LOXL2: variants seen among roughly 807,000 people sequenced by gnomAD.
LOXL2 encodes lysyl oxidase homolog 2.
Under a neutral mutation model 93.0 loss-of-function variants are expected in LOXL2, and 70 were observed. That is an observed-to-expected ratio of 0.75 (90% CI 0.62 to 0.92). The LOEUF (loss-of-function observed/expected upper bound fraction) is 0.92. LOXL2 is among the 40% of genes least tolerant of loss of function. The probability of loss-of-function intolerance (pLI) is 0.00; values close to 1 mark genes in which losing one functional copy is unlikely to be tolerated. For missense variants in LOXL2, 973 were observed against 1,054.9 expected (o/e 0.92, Z 1.08); for synonymous variants, 438 against 413.2 (o/e 1.06, Z -0.73).
intron 2 of LOXL2, chr8:23,364,319 C>T (rs530977601): frequency 4.6e-5 from 7 of 152,314 alleles, no homozygotes; most frequent in East Asian, 1.9e-4. Context: ...CCAGGAAAGC[C>T]GTGTCCTTGG....
chr8:23,356,993 T>C (rs1352917234), intron 3 of LOXL2, among the ~76,000 whole-genome samples: 1 of 152,080 alleles, frequency 6.6e-6, no homozygotes, highest in African/African-American at 2.4e-5. Context: ...AGAATAAAGG[T>C]GGGGCTAAGC....
In LOXL2 at chr8:23,309,755, C is replaced by A; in HGVS notation, c.1793G>T (p.Arg598Leu). ...ATTGTTGTGGATCTGGGAGGAGAAG[C>A]GCAGGAGCCGGCGGTAGCCCGTGGT... ...DPTTGYRRLL[R>L]FSSQIHNNGQ... The change falls in exon 10 of 14, where the codon CGC (arginine) becomes CTC (leucine). Residue 598 changes from arginine to leucine, a missense_variant. Transcript: ENST00000389131. 2 of 1,601,346 alleles carry A rather than the reference C, an allele frequency of 1.2e-6. No individual in the cohort carries two copies. Among genetic ancestry groups the A allele is most frequent in the Non-Finnish European group, 1.7e-6 (2 of 1,174,262 alleles).
intron 3 of LOXL2, among the ~76,000 whole-genome samples, chr8:23,356,773 G>A (rs1057308155): frequency 6.6e-6 from 1 of 152,222 alleles, no homozygotes; most frequent in African/African-American, 2.4e-5. Context: ...GGCTGTGGAT[G>A]TCACCTGGCC....
intron 1 of LOXL2, among the ~76,000 whole-genome samples, chr8:23,392,162 G>A (rs1804854705): frequency 6.6e-6 from 1 of 152,206 alleles, no homozygotes; most frequent in South Asian, 2.1e-4. Context: ...CCCAGTGATG[G>A]CAGGGGCAGC....
intron 7 of LOXL2, 54 bp downstream of exon 7, chr8:23,322,076 C>A: frequency 6.3e-7 from 1 of 1,592,074 alleles, no homozygotes; most frequent in South Asian, 1.1e-5. Context: ...AGCTCTGTGG[C>A]TATACTTTCT....
intron 4 of LOXL2, among the ~76,000 whole-genome samples, chr8:23,340,099 C>T (rs1376792870): frequency 1.3e-5 from 2 of 152,200 alleles, no homozygotes; most frequent in Non-Finnish European, 2.9e-5. Context: ...TATAGCTGGA[C>T]ACAGGGGACC....
At chr8:23,402,843 T>C (rs1800169895) in intron 1 of LOXL2, 1 of 152,112 alleles carries the variant, frequency 6.6e-6, no homozygotes, top group Admixed American at 6.5e-5. Context: ...ACGAAACTAA[T>C]TTGGAGCATG....
chr8:23,340,871 G>T, intron 4 of LOXL2, 121 bp downstream of exon 4: 1 of 909,226 alleles, frequency 1.1e-6, no homozygotes. Context: ...GCTGCCTGCA[G>T]GGACACCAGC....
At chr8:23,397,981 A>G (rs1183870123) in intron 1 of LOXL2, among the ~76,000 whole-genome samples, 3 of 151,634 alleles carry the variant, frequency 2.0e-5, no homozygotes, top group Non-Finnish European at 4.4e-5. Context: ...AAAAAAAAAA[A>G]AAAAGAAATG....
chr8:23,402,158 A>ATGCACACACATTGCG (rs1800159662), intron 1 of LOXL2, among the ~76,000 whole-genome samples: 1 of 152,084 alleles, frequency 6.6e-6, no homozygotes, highest in African/African-American at 2.4e-5. Flanking sequence ...AGGAATACAT[A>ATGCACACACATTGCG]TGCACACACA....
Position 23,297,024 on chromosome 8 carries a change from G to C in LOXL2, c.*1019C>G, listed in dbSNP as rs1419138065. Among the ~76,000 whole-genome samples the C allele has an allele frequency of 6.6e-6, 1 of 152,102 alleles. No individual in the cohort carries two copies. The highest frequency in any genetic ancestry group is 1.5e-5 in the Non-Finnish European group (1 of 68,026). ...CCCCTTTTGGAGTCTATTGAAGGAG[G>C]TGCCCTGGTGGCCACACTGGGCTGG... On this transcript the variant is annotated 3_prime_UTR_variant, in exon 14 of 14. Transcript: ENST00000389131.
intron 10 of LOXL2, among the ~76,000 whole-genome samples, chr8:23,306,329 T>C (rs1803228700): frequency 6.6e-6 from 1 of 152,202 alleles, no homozygotes; most frequent in Admixed American, 6.5e-5. Flanking sequence ...CCCAGCCACG[T>C]GTCCGCGGGG....
At chr8:23,398,245 G>A (rs1800118831) in intron 1 of LOXL2, among the ~76,000 whole-genome samples, 1 of 152,154 alleles carries the variant, frequency 6.6e-6, no homozygotes, top group Non-Finnish European at 1.5e-5. Context: ...GTAAGTGTAT[G>A]TTTTATAGGC....
chr8:23,388,891 C>G (rs1447515531), intron 1 of LOXL2, among the ~76,000 whole-genome samples: 1 of 151,894 alleles, frequency 6.6e-6, no homozygotes, highest in African/African-American at 2.4e-5. Context: ...GGGAAGAGGG[C>G]TGGGTTGGAG....
chr8:23,387,780 T>A lies in LOXL2; in HGVS notation c.-84+16174A>T, dbSNP rs1482939518. The stretch of plus-strand genomic sequence containing the variant: ...GCCTGGCCAACATGGTGAAACCCTA[T>A]CTCTACCAAAAATACAAAAATTAGC... On this transcript the variant is annotated intron_variant, in intron 1 of 13. Coordinates refer to ENST00000389131, the MANE Select transcript of LOXL2 (RefSeq NM_002318.3). 6.6e-5 allele frequency among the ~76,000 whole-genome samples: 10 copies of A among 152,132 alleles called. No homozygotes were observed. In the East Asian group the frequency reaches 1.7e-3, roughly 26 times the overall value.
At chr8:23,351,321 C>G (rs552490505) in intron 3 of LOXL2, among the ~76,000 whole-genome samples, 3 of 152,318 alleles carry the variant, frequency 2.0e-5, no homozygotes, top group African/African-American at 7.2e-5. Flanking sequence ...AGTCACATCA[C>G]CAGACCTCCC....
chr8:23,343,537 C>T (rs1047735143), intron 3 of LOXL2, among the ~76,000 whole-genome samples: 62 of 152,342 alleles, frequency 4.1e-4, no homozygotes, highest in African/African-American at 1.4e-3. Context: ...TGCAAATGAA[C>T]CACGAGTTTG....
intron 13 of LOXL2, among the ~76,000 whole-genome samples, chr8:23,298,557 A>G (rs1489950339): frequency 6.6e-6 from 1 of 152,232 alleles, no homozygotes; most frequent in Admixed American, 6.5e-5. Flanking sequence ...GGTCACATAC[A>G]TAATGAGCCA....
chr8:23,388,582 T>C (rs932541006), intron 1 of LOXL2, among the ~76,000 whole-genome samples: 5 of 148,094 alleles, frequency 3.4e-5, no homozygotes, highest in African/African-American at 1.2e-4. Flanking sequence ...GAGCTGGGAC[T>C]TGTCTCCAAG....
Sources: allele counts gnomAD v4.1 joint callset (sites outside exome capture counted in the v4.1 genomes callset), GRCh38; gene constraint gnomAD v4.1.1; transcripts MANE v1.5; gene names NCBI Gene and HGNC (gene_info 2026-07-23, HGNC 2026-07-21).